The following C1orf105 variants were observed in gnomAD, a reference collection of about 807,000 sequenced individuals.
The protein encoded by C1orf105 is uncharacterized protein C1orf105.
A neutral mutation model predicts 20.8 loss-of-function variants in C1orf105; 17 were observed. The observed-to-expected ratio is 0.82, with a 90% confidence interval of 0.56 to 1.23. The LOEUF (loss-of-function observed/expected upper bound fraction) is 1.23. Ranked by LOEUF, C1orf105 falls within the 50% of genes most tolerant of loss-of-function variation. The probability of loss-of-function intolerance (pLI) is 0.00; values close to 1 mark genes in which losing one functional copy is unlikely to be tolerated. For missense variants in C1orf105, 219 were observed against 213.5 expected (o/e 1.03, Z -0.16); for synonymous variants, 72 against 72.1 (o/e 1.00, Z 0.01).
At chr1:172,465,593 A>G (rs749479057) in intron 6 of C1orf105, 1 of 650,588 alleles carries the variant, frequency 1.5e-6, no homozygotes. Context: ...TATACATGTC[A>G]TGTTCCTTCC....
intron 1 of C1orf105, among the ~76,000 whole-genome samples, chr1:172,429,725 T>C (rs1219687868): frequency 6.6e-6 from 1 of 152,166 alleles, no homozygotes; most frequent in East Asian, 1.9e-4. Flanking sequence ...CTGACACCAA[T>C]ACAATCTCCA....
intron 6 of C1orf105, among the ~76,000 whole-genome samples, chr1:172,467,281 A>G (rs371030627): frequency 1.3e-5 from 2 of 152,248 alleles, no homozygotes; most frequent in African/African-American, 4.8e-5. Context: ...AGTGAACAAC[A>G]TTACTGCCAA....
At chr1:172,462,281 T>A in intron 5 of C1orf105, 36 bp downstream of exon 5, 1 of 1,463,418 alleles carries the variant, frequency 6.8e-7, no homozygotes, top group Non-Finnish European at 9.5e-7. Context: ...ATGACTTAAT[T>A]CTTGTTATGT....
intron 1 of C1orf105, among the ~76,000 whole-genome samples, chr1:172,432,730 T>C (rs1207453819): frequency 6.6e-6 from 1 of 152,220 alleles, no homozygotes; most frequent in African/African-American, 2.4e-5. Flanking sequence ...TCGCAGCTCC[T>C]CGCCAGCAAT....
At chr1:172,463,717 T>C (rs567915656) in intron 5 of C1orf105, among the ~76,000 whole-genome samples, 1 of 152,356 alleles carries the variant, frequency 6.6e-6, no homozygotes, top group South Asian at 2.1e-4. Flanking sequence ...GCAAGTTTTG[T>C]ACTTTATTTA....
At chr1:172,437,358 G>A (rs1477182808) in intron 1 of C1orf105, among the ~76,000 whole-genome samples, 2 of 152,032 alleles carry the variant, frequency 1.3e-5, no homozygotes, top group African/African-American at 4.8e-5. Context: ...ATGACAGACT[G>A]GATTATGAAA....
At chr1:172,454,159 T>C (rs1391637758) in intron 3 of C1orf105, among the ~76,000 whole-genome samples, 1 of 152,132 alleles carries the variant, frequency 6.6e-6, no homozygotes, top group Non-Finnish European at 1.5e-5. Context: ...AACTTATATC[T>C]CTACTAAAAA....
At chr1:172,449,889 G>A (rs1415186893) in intron 3 of C1orf105, among the ~76,000 whole-genome samples, 1 of 152,144 alleles carries the variant, frequency 6.6e-6, no homozygotes, top group Non-Finnish European at 1.5e-5. Flanking sequence ...ATTTAGACAG[G>A]TCTCACCTGC....
intron 3 of C1orf105, chr1:172,453,069 C>T (rs2285175): frequency 0.23 from 359,063 of 1,550,306 alleles, 43,613 homozygotes; most frequent in East Asian, 0.35. Flanking sequence ...ATGTTTGCGT[C>T]GCCTTTAAAG....
chr1:172,426,151 C>A (rs953650077), intron 1 of C1orf105, among the ~76,000 whole-genome samples: 2 of 152,126 alleles, frequency 1.3e-5, no homozygotes, highest in Non-Finnish European at 2.9e-5. Flanking sequence ...TGGATATGCA[C>A]TTCACAATCT....
chr1:172,430,958 C>A (rs2071856511), intron 1 of C1orf105: 2 of 441,490 alleles, frequency 4.5e-6, no homozygotes, highest in African/African-American at 2.0e-5. Context: ...GTACCACAAA[C>A]TATACCCATA....
At chr1:172,429,032 T>A (rs1432467352) in intron 1 of C1orf105, among the ~76,000 whole-genome samples, 1 of 152,180 alleles carries the variant, frequency 6.6e-6, no homozygotes. Flanking sequence ...TAAAAGCAAC[T>A]GCCTACCATT....
chr1:172,430,278 C>T (rs1326015542), intron 1 of C1orf105: 1 of 700,698 alleles, frequency 1.4e-6, no homozygotes, highest in East Asian at 2.7e-5. Flanking sequence ...TACTTTATAC[C>T]AATTGTTTTC....
At chr1:172,424,541 C>A (rs1382772542) in intron 1 of C1orf105, among the ~76,000 whole-genome samples, 1 of 152,166 alleles carries the variant, frequency 6.6e-6, no homozygotes, top group Non-Finnish European at 1.5e-5. Context: ...CAGGTGCCTG[C>A]CACCACACCC....
At chr1:172,440,468 A>G (rs1346627193) in intron 1 of C1orf105, among the ~76,000 whole-genome samples, 1 of 152,248 alleles carries the variant, frequency 6.6e-6, no homozygotes, top group East Asian at 1.9e-4. Context: ...AGAGGTAGAT[A>G]CTTTTATTCC....
chr1:172,462,578 A>G (rs1248491512), intron 5 of C1orf105, among the ~76,000 whole-genome samples: 1 of 152,212 alleles, frequency 6.6e-6, no homozygotes, highest in Non-Finnish European at 1.5e-5. Context: ...CTAATCTGCA[A>G]GATATGGGGG....
chr1:172,445,147 C>T lies in C1orf105; in HGVS notation c.96C>T (p.Ser32=). 1 of 1,611,040 alleles carries T rather than the reference C, an allele frequency of 6.2e-7. No individual in the cohort carries two copies. The highest frequency in any genetic ancestry group is 8.5e-7 in the Non-Finnish European group (1 of 1,178,774). Residue 32 remains serine (S), a synonymous_variant, in exon 2 of 7, where the codon AGC becomes AGT. Coordinates refer to ENST00000367727, the MANE Select transcript of C1orf105 (RefSeq NM_139240.4). ...ASLVNKPLVL[S]LPRRYPHTSA... is the part of the protein sequence containing the mutation. ...TTGTAAACAAGCCATTAGTGCTCAGCCTTCCCAGAAGGTAACCTCTCAGCC... is the reference window on the plus strand; with the variant it reads ...TTGTAAACAAGCCATTAGTGCTCAGTCTTCCCAGAAGGTAACCTCTCAGCC...
chr1:172,432,722 G>T (rs1268513982), intron 1 of C1orf105, among the ~76,000 whole-genome samples: 1 of 152,192 alleles, frequency 6.6e-6, no homozygotes. Context: ...CCAAAGGATC[G>T]CAGCTCCTCG....
In C1orf105 at chr1:172,468,628, A is replaced by T; in HGVS notation, c.*34A>T. 6.3e-7 allele frequency: 1 copy of T among 1,594,784 alleles called. No homozygotes were observed. The highest frequency in any genetic ancestry group is 1.7e-5 in the Admixed American group (1 of 58,028). The stretch of plus-strand genomic sequence containing the variant: ...AGCTCATCACCTCCCAGACTCCCAG[A>T]GAGAAAATAACCTCGCCAAGCCAAT... On this transcript the variant is annotated 3_prime_UTR_variant, in exon 7 of 7. Transcript: ENST00000367727.
Sources: allele counts gnomAD v4.1 joint callset (sites outside exome capture counted in the v4.1 genomes callset), GRCh38; gene constraint gnomAD v4.1.1; transcripts MANE v1.5; gene names NCBI Gene and HGNC (gene_info 2026-07-23, HGNC 2026-07-21).